The following CABIN1 variants were observed in gnomAD, a reference collection of about 807,000 sequenced individuals.
The protein encoded by CABIN1 is calcineurin binding protein 1, also known as calcineurin-binding protein cabin-1.
In CABIN1, 133 loss-of-function variants were observed where a neutral mutation model predicts 227.7. The ratio of observed to expected loss-of-function variants is 0.58; its 90% CI spans 0.51 to 0.67. CABIN1 has a LOEUF of 0.67. Ranked by LOEUF, CABIN1 falls within the 30% of genes least tolerant of loss-of-function variation. The pLI is 0.00. For missense variants in CABIN1, 2,408 were observed against 2,852.5 expected (o/e 0.84, Z 3.55); for synonymous variants, 1,086 against 1,155.1 (o/e 0.94, Z 1.21).
At chr22:24,085,945 T>C (rs2041130403) in intron 22 of CABIN1, among the ~76,000 whole-genome samples, 1 of 152,164 alleles carries the variant, frequency 6.6e-6, no homozygotes, top group African/African-American at 2.4e-5. Flanking sequence ...CCTTGAGCCA[T>C]GGGTGAGCAC....
intron 8 of CABIN1, among the ~76,000 whole-genome samples, chr22:24,051,918 CAGA>C (rs1458701894): frequency 6.6e-6 from 1 of 152,080 alleles, no homozygotes; most frequent in Non-Finnish European, 1.5e-5. Context: ...TAGAATTTCC[CAGA>C]AATATTTCCA....
At chr22:24,161,517 C>T (rs907897057) in intron 29 of CABIN1, among the ~76,000 whole-genome samples, 3 of 151,668 alleles carry the variant, frequency 2.0e-5, no homozygotes, top group African/African-American at 7.3e-5. Context: ...ACCCTCCTCG[C>T]GGCGACCCTG....
intron 19 of CABIN1, among the ~76,000 whole-genome samples, chr22:24,078,489 C>T (rs2146931002): frequency 6.6e-6 from 1 of 152,244 alleles, no homozygotes; most frequent in East Asian, 1.9e-4. Context: ...GATTTGAGGC[C>T]AACATCAGGG....
chr22:24,065,709 G>A (rs1483867817), intron 15 of CABIN1, among the ~76,000 whole-genome samples: 1 of 152,274 alleles, frequency 6.6e-6, no homozygotes, highest in Non-Finnish European at 1.5e-5. Flanking sequence ...TCTAGCCTGG[G>A]CACCATTGAG....
chr22:24,013,579 C>T (rs2035009503), intron 1 of CABIN1, among the ~76,000 whole-genome samples: 1 of 152,194 alleles, frequency 6.6e-6, no homozygotes, highest in South Asian at 2.1e-4. Flanking sequence ...CTTCACCCTG[C>T]TTTCCCTAAT....
intron 29 of CABIN1, among the ~76,000 whole-genome samples, chr22:24,163,064 A>G (rs188831474): frequency 6.6e-6 from 1 of 152,326 alleles, no homozygotes; most frequent in African/African-American, 2.4e-5. Flanking sequence ...TCTGCATGGT[A>G]GGAAGATGCA....
At chr22:24,106,478 T>C (rs958353117) in intron 26 of CABIN1, among the ~76,000 whole-genome samples, 4 of 152,244 alleles carry the variant, frequency 2.6e-5, no homozygotes, top group Non-Finnish European at 4.4e-5. Flanking sequence ...CTGCCTGCCC[T>C]GCCAGCTTAT....
intron 28 of CABIN1, among the ~76,000 whole-genome samples, chr22:24,126,424 A>T (rs1268598673): frequency 6.6e-6 from 1 of 152,194 alleles, no homozygotes; most frequent in Non-Finnish European, 1.5e-5. Flanking sequence ...TTCCAGATGG[A>T]CACACACCCA....
At chr22:24,036,782 C>T (rs185784010) in intron 3 of CABIN1, among the ~76,000 whole-genome samples, 15 of 152,230 alleles carry the variant, frequency 9.9e-5, no homozygotes, top group South Asian at 6.2e-4. Flanking sequence ...CCTTCCACCC[C>T]GCTGCATTTT....
intron 18 of CABIN1, among the ~76,000 whole-genome samples, chr22:24,074,254 C>T (rs2040286623): frequency 1.3e-5 from 2 of 151,966 alleles, no homozygotes. Flanking sequence ...AAAAAACTGC[C>T]AGCAAGTAAA....
chr22:24,013,125 C>T (rs187986693), intron 1 of CABIN1, among the ~76,000 whole-genome samples: 1 of 149,294 alleles, frequency 6.7e-6, no homozygotes, highest in African/African-American at 2.5e-5. Flanking sequence ...GTGAACAATA[C>T]ATAAATGGTT....
rs1022458450 is a variant in CABIN1 at position 24,114,568 on chromosome 22, G to A, written c.4300+820G>A. Among the ~76,000 whole-genome samples the A allele has an allele frequency of 2.6e-5, 4 of 152,232 alleles. 1 individual carries two copies. The South Asian group carries it at 8.3e-4, about 31-fold the overall frequency. ...AGAATATGAGATTCAGAGAAGGTCT[G>A]GAATTTGCCCTGTCAGTGTACACCC... is the stretch of plus-strand genomic sequence containing the variant. On this transcript the variant is annotated intron_variant, in intron 27 of 36. Coordinates refer to ENST00000263119, the MANE Select transcript of CABIN1 (RefSeq NM_012295.4).
chr22:24,035,644 G>C (rs528050652), intron 2 of CABIN1, 124 bp downstream of exon 2: 1 of 1,276,534 alleles, frequency 7.8e-7, no homozygotes, highest in African/African-American at 1.5e-5. Flanking sequence ...CTTCCTCCCA[G>C]GAAGGCTGTT....
In CABIN1 at chr22:24,084,667, C is replaced by G; in HGVS notation, c.2999C>G (p.Thr1000Ser). Residue 1000 changes from threonine to serine, a missense_variant, in exon 21 of 37, where the codon ACC becomes AGC. Thr to Ser is a moderately conservative substitution (Grantham distance 58). Transcript: ENST00000263119. Reference sequence around the variant, plus strand: ...GAATTTGACAGCTATAAGACCAGCACCGTGTCTGCTGACTTGGCCAACCTA... The same window carrying G: ...GAATTTGACAGCTATAAGACCAGCAGCGTGTCTGCTGACTTGGCCAACCTA... ...LPEFDSYKTS[T>S]VSADLANLLK... The G allele has an allele frequency of 6.2e-7, 1 of 1,614,112 alleles. No homozygotes were observed. The highest frequency in any genetic ancestry group is 8.5e-7 in the Non-Finnish European group (1 of 1,179,986).
chr22:24,136,975 G>A (rs537701354), intron 29 of CABIN1, among the ~76,000 whole-genome samples: 8 of 152,238 alleles, frequency 5.3e-5, no homozygotes, highest in African/African-American at 9.6e-5. Flanking sequence ...GTTGATAGGC[G>A]AGTTGGAGCT....
intron 33 of CABIN1, among the ~76,000 whole-genome samples, chr22:24,169,387 G>A (rs997964316): frequency 5.3e-5 from 8 of 152,156 alleles, no homozygotes; most frequent in African/African-American, 1.7e-4. Flanking sequence ...TGCCTTTGGG[G>A]TCCAGACGGG....
chr22:24,061,346 G>A (rs2039177401), intron 12 of CABIN1, among the ~76,000 whole-genome samples: 1 of 152,222 alleles, frequency 6.6e-6, no homozygotes, highest in Non-Finnish European at 1.5e-5. Flanking sequence ...TGGTCTTTCT[G>A]ACTTGAGAGC....
chr22:24,096,184 A>G, intron 25 of CABIN1, 102 bp downstream of exon 25: 1 of 1,349,696 alleles, frequency 7.4e-7, no homozygotes, highest in African/African-American at 1.4e-5. Context: ...TACACAGTAA[A>G]CAGTAAACTA....
chr22:24,021,294 A>G (rs1382970178), intron 1 of CABIN1, among the ~76,000 whole-genome samples: 3 of 152,156 alleles, frequency 2.0e-5, no homozygotes, highest in African/African-American at 7.2e-5. Context: ...TGCTGGGATT[A>G]CAGGCATGAG....
Sources: gnomAD v4.1 joint callset for allele counts (sites outside exome capture counted in the v4.1 genomes callset) on GRCh38, gnomAD v4.1.1 for gene constraint, MANE v1.5 for transcripts, NCBI Gene and HGNC (gene_info 2026-07-23, HGNC 2026-07-21) for gene names.